MYO18B: variants seen among roughly 807,000 people sequenced by gnomAD.
The protein encoded by MYO18B is unconventional myosin-XVIIIb.
In MYO18B, 204 loss-of-function variants were observed where a neutral mutation model predicts 273.0. The observed-to-expected ratio is 0.75, with a 90% CI of 0.67 to 0.84. The LOEUF (loss-of-function observed/expected upper bound fraction) is 0.84, where lower values mean the gene tolerates loss of function less well. Ranked by LOEUF, MYO18B falls within the 40% of genes least tolerant of loss-of-function variation. The pLI is 0.00. For missense variants in MYO18B, 3,212 were observed against 3,287.6 expected (o/e 0.98, Z 0.56); for synonymous variants, 1,330 against 1,305.7 (o/e 1.02, Z -0.40).
chr22:26,008,368 A>G (rs1934605192), intron 42 of MYO18B, among the ~76,000 whole-genome samples: 1 of 152,230 alleles, frequency 6.6e-6, no homozygotes, highest in Non-Finnish European at 1.5e-5. Flanking sequence ...ATAGTAGAGA[A>G]CAGGACTCCT....
At chr22:26,043,237 TG>T in the MYO18B span, among the ~76,000 whole-genome samples, 3 of 151,916 alleles carry the variant, frequency 2.0e-5, no homozygotes, top group Admixed American at 6.5e-5. Context: ...GTCAGTAGTT[TG>T]TTTTTTTTAT....
At chr22:26,014,437 C>G (rs1935151563) in intron 42 of MYO18B, among the ~76,000 whole-genome samples, 1 of 152,174 alleles carries the variant, frequency 6.6e-6, no homozygotes, top group South Asian at 2.1e-4. Flanking sequence ...GCAAATGACT[C>G]TCAGGGAAAG....
At position 25,877,904 on chromosome 22, in the gene MYO18B, G is replaced by A. The variant is rs369478734; in HGVS notation, c.4225-55G>A. ...TGCCGTTTGCTCACTCCTAACACAGGTGGAACTTAATCTCTGGCCTGGAAT... is the reference window on the plus strand; with the variant it reads ...TGCCGTTTGCTCACTCCTAACACAGATGGAACTTAATCTCTGGCCTGGAAT... On this transcript the variant is annotated intron_variant, in intron 24 of 43. Coordinates refer to ENST00000335473, the MANE Select transcript of MYO18B (RefSeq NM_032608.7). 46 of 1,462,272 alleles carry A rather than the reference G, an allele frequency of 3.1e-5. No individual in the cohort carries two copies. In the East Asian group the frequency reaches 1.1e-3, roughly 35 times the overall value. 90.6% of individuals were successfully genotyped at this position (1,462,272 alleles called of 1,614,324 possible). A position where few individuals can be genotyped will look rare whatever the true frequency, so the allele number is the denominator to read the frequency against.
chr22:26,023,841 G>T (rs1194423404), intron 42 of MYO18B, among the ~76,000 whole-genome samples: 10 of 152,204 alleles, frequency 6.6e-5, no homozygotes, highest in African/African-American at 2.2e-4. Context: ...AAAAATACAG[G>T]CGTGTGAATG....
At chr22:25,758,636 A>G (rs996166052) in intron 1 of MYO18B, among the ~76,000 whole-genome samples, 2 of 152,186 alleles carry the variant, frequency 1.3e-5, no homozygotes, top group South Asian at 2.1e-4. Flanking sequence ...GTTATAGCGA[A>G]TGTCCAAAAA....
Position 25,769,443 on chromosome 22 carries a change from GC to G in MYO18B, c.1512+18del. The stretch of plus-strand genomic sequence containing the variant: ...ACTCAGACCAGGTGAGGGGGCTGCG[GC>G]CCTGGGAGCGGGAAGCGGCAGACAG... On this transcript the variant is annotated intron_variant, in intron 4 of 43. Transcript: ENST00000335473. 1 of 1,499,196 alleles carries G rather than the reference GC, an allele frequency of 6.7e-7. No homozygotes were observed. Among genetic ancestry groups the G allele is most frequent in the Non-Finnish European group, 8.9e-7 (1 of 1,123,710 alleles). The allele number at this position is 1,499,196 out of a possible 1,614,324, so 92.9% of individuals were successfully genotyped here.
chr22:25,825,464 A>G (rs567630074), intron 13 of MYO18B, among the ~76,000 whole-genome samples: 1 of 152,202 alleles, frequency 6.6e-6, no homozygotes, highest in Non-Finnish European at 1.5e-5. Flanking sequence ...CTGATCCCCT[A>G]CACTCCTCAC....
chr22:25,840,087 T>C lies in MYO18B; in HGVS notation c.3209-3648T>C, dbSNP rs1194005974. ...TCCCTGTTTCTTCCTTCAGGGCCCT[T>C]GCCAGCTCTGTGAAGTTGTGGTTGT... is the stretch of plus-strand genomic sequence containing the variant. On this transcript the variant is annotated intron_variant, in intron 17 of 43. Coordinates refer to ENST00000335473, the MANE Select transcript of MYO18B (RefSeq NM_032608.7). Among the ~76,000 whole-genome samples the C allele has an allele frequency of 2.0e-5, 3 of 152,202 alleles. No homozygotes were observed. The East Asian group carries it at 5.8e-4, about 29-fold the overall frequency.
chr22:25,783,131 G>A (rs1259949635), intron 10 of MYO18B, among the ~76,000 whole-genome samples: 2 of 152,240 alleles, frequency 1.3e-5, no homozygotes, highest in Non-Finnish European at 2.9e-5. Context: ...CTTTGTGTGT[G>A]TGTGTTCTTG....
chr22:25,832,623 G>A (rs2089750233), intron 15 of MYO18B, among the ~76,000 whole-genome samples: 1 of 152,166 alleles, frequency 6.6e-6, no homozygotes, highest in Admixed American at 6.6e-5. Context: ...GAAATAGGGA[G>A]TTAAGTCTCA....
chr22:25,794,366 C>G (rs61445967), intron 11 of MYO18B, among the ~76,000 whole-genome samples: 2,918 of 151,842 alleles, frequency 0.019, 113 homozygotes, highest in African/African-American at 0.067. Context: ...GCCACCATGC[C>G]TGGCAGATTT....
intron 40 of MYO18B, among the ~76,000 whole-genome samples, chr22:25,994,963 T>A (rs1175703477): frequency 6.6e-6 from 1 of 152,044 alleles, no homozygotes; most frequent in Non-Finnish European, 1.5e-5. Flanking sequence ...ATAACCAAAT[T>A]GGAAGGAGGC....
intron 33 of MYO18B, among the ~76,000 whole-genome samples, chr22:25,917,548 GTGT>G (rs1569187923): frequency 9.0e-5 from 13 of 144,826 alleles, no homozygotes; most frequent in Non-Finnish European, 1.6e-4. Flanking sequence ...TTGTAGGGGT[GTGT>G]GTGTGTGTGT....
At chr22:25,919,666 TTGTGTGTGTGTATGTGTGTGTGTGTG>T (rs1174163393) in intron 33 of MYO18B, among the ~76,000 whole-genome samples, 2 of 138,368 alleles carry the variant, frequency 1.4e-5, no homozygotes, top group Non-Finnish European at 3.1e-5. Flanking sequence ...GCAGGTGAGA[TTGTGTGTGTGTATGTGTGTGTGTGTG>T]TGTGTGTGTG....
chr22:25,885,714 A>C (rs923858700), intron 25 of MYO18B, among the ~76,000 whole-genome samples: 6 of 152,110 alleles, frequency 3.9e-5, no homozygotes, highest in African/African-American at 1.4e-4. Flanking sequence ...AAAAAGAGGT[A>C]TGTGGGTGTC....
chr22:25,891,006 A>G, intron 26 of MYO18B, 131 bp downstream of exon 26: 3 of 1,344,490 alleles, frequency 2.2e-6, no homozygotes, highest in Non-Finnish European at 3.0e-6. Context: ...GCTGGGCTCA[A>G]GGTCCTGGGG....
Position 26,003,264 on chromosome 22 carries a change from G to C in MYO18B, c.6288-1G>C. 1 of 1,608,642 alleles carries C rather than the reference G, an allele frequency of 6.2e-7. No homozygotes were observed. Among genetic ancestry groups the C allele is most frequent in the Non-Finnish European group, 8.5e-7 (1 of 1,177,582 alleles). On this transcript the variant is annotated splice_acceptor_variant, in intron 40 of 43. Transcript: ENST00000335473. LOFTEE classifies it high-confidence loss of function. ...ACACTCTTTCTTGTGCCTCTTACTA[G>C]TGTCCAGACGGCAGTGGATTGTGGC...
At position 25,883,979 on chromosome 22, in the gene MYO18B, G is replaced by T. The variant is rs952190724; in HGVS notation, c.4314+5931G>T. Among the ~76,000 whole-genome samples the T allele has an allele frequency of 1.3e-5, 2 of 152,050 alleles. No homozygotes were observed. Among genetic ancestry groups the T allele is most frequent in the Non-Finnish European group, 2.9e-5 (2 of 68,020 alleles). On this transcript the variant is annotated intron_variant, in intron 25 of 43. Coordinates refer to ENST00000335473, the MANE Select transcript of MYO18B (RefSeq NM_032608.7). This position sits in a 1 kb window ranked among gnomAD's most constrained non-coding sequence, Gnocchi z 7.6. ...TTGTTGGAAGCACCTGTAAGGTTTT[G>T]GGACCACATGGGATATAAAATGAGG...
At chr22:25,896,750 C>G (rs1395016234) in intron 28 of MYO18B, 4 of 152,110 alleles carry the variant, frequency 2.6e-5, no homozygotes, top group Non-Finnish European at 5.9e-5. Flanking sequence ...TAGTAAATGG[C>G]TCCCTGGAAA....
Sources: gnomAD v4.1 joint callset for allele counts (sites outside exome capture counted in the v4.1 genomes callset) on GRCh38, gnomAD v4.1.1 for gene constraint, Gnocchi (gnomAD v3.1) non-coding constraint, MANE v1.5 for transcripts, NCBI Gene and HGNC (gene_info 2026-07-23, HGNC 2026-07-21) for gene names.